PTPRN2: variants seen among roughly 807,000 people sequenced by gnomAD.
The protein encoded by PTPRN2 is receptor-type tyrosine-protein phosphatase N2.
In PTPRN2, 74 loss-of-function variants were observed where a neutral mutation model predicts 118.8. The observed-to-expected ratio is 0.62, with a 90% CI of 0.52 to 0.76. The LOEUF (loss-of-function observed/expected upper bound fraction) is 0.76. Ranked by LOEUF, PTPRN2 falls within the 30% of genes least tolerant of loss-of-function variation. PTPRN2 has a pLI of 0.00. For synonymous variants in PTPRN2, 641 were observed against 608.0 expected, an observed-to-expected ratio of 1.05 and a Z score of -0.80; for missense variants, 1,481 against 1,394.4, an observed-to-expected ratio of 1.06 and a Z score of -0.99.
chr7:157,694,299 G>C (rs1666776666), intron 12 of PTPRN2, among the ~76,000 whole-genome samples: 1 of 152,174 alleles, frequency 6.6e-6, no homozygotes, highest in South Asian at 2.1e-4. Context: ...GGTTCCATGC[G>C]GGTTCACCAG....
At position 157,901,935 on chromosome 7, in the gene PTPRN2, G is replaced by A. The variant is rs191972823; in HGVS notation, c.1724-3198C>T. 9.5e-3 allele frequency among the ~76,000 whole-genome samples: 1,431 copies of A among 150,594 alleles called. 67 individuals carry two copies. In the East Asian group the frequency reaches 0.21, roughly 22 times the overall value. On this transcript the variant is annotated intron_variant, in intron 11 of 22. Coordinates refer to ENST00000389418, the MANE Select transcript of PTPRN2 (RefSeq NM_002847.5). The stretch of plus-strand genomic sequence containing the variant: ...CCTGAGGCGGGGCCTTCCCGTCCGT[G>A]TTTCCTGGGTCCTGAGGCGGGGCCT...
intron 11 of PTPRN2, among the ~76,000 whole-genome samples, chr7:158,011,774 G>A (rs1453160689): frequency 6.6e-6 from 1 of 152,166 alleles, no homozygotes; most frequent in Non-Finnish European, 1.5e-5. Flanking sequence ...CGGACCCACA[G>A]AGAAAGTGAG....
At chr7:157,571,935 C>T (rs1799779614) in intron 19 of PTPRN2, among the ~76,000 whole-genome samples, 1 of 152,184 alleles carries the variant, frequency 6.6e-6, no homozygotes. Flanking sequence ...ACTGTTATTT[C>T]CATACTGTCT....
rs1188872519 is a variant in PTPRN2, at chr7:158,301,800, A to C, written c.277+15019T>G. Among the ~76,000 whole-genome samples, 8 of 152,200 alleles carry C rather than the reference A, an allele frequency of 5.3e-5. No individual in the cohort carries two copies. In the South Asian group the frequency reaches 1.5e-3, roughly 28 times the overall value. On this transcript the variant is annotated intron_variant, in intron 3 of 22. Transcript: ENST00000389418. ...CCCATCTCTGCCAAAAAATACGAAAATTAGCTGGGCATGGTGGTTTGCACC... is the reference window on the plus strand; with the variant it reads ...CCCATCTCTGCCAAAAAATACGAAACTTAGCTGGGCATGGTGGTTTGCACC...
chr7:157,764,404 G>T lies in PTPRN2; in HGVS notation c.1789-81467C>A, dbSNP rs769884698. On this transcript the variant is annotated intron_variant, in intron 12 of 22. Transcript: ENST00000389418. The surrounding 1 kb of genome is among the most constrained non-coding windows in gnomAD (Gnocchi z 4.5). The stretch of plus-strand genomic sequence containing the variant: ...TGGGAATATTACTCAGCACTGAAAA[G>T]GCAGAGATTTTGGATGCAGGCTACA... 6.6e-6 allele frequency among the ~76,000 whole-genome samples: 1 copy of T among 152,240 alleles called. No individual in the cohort carries two copies. Among genetic ancestry groups the T allele is most frequent in the Non-Finnish European group, 1.5e-5 (1 of 68,042 alleles).
rs900624304 is a variant in PTPRN2, at chr7:158,525,354, G to A, written c.113-35569C>T. 1.3e-5 allele frequency among the ~76,000 whole-genome samples: 2 copies of A among 152,238 alleles called. No homozygotes were observed. The highest frequency in any genetic ancestry group is 4.8e-5 in the African/African-American group (2 of 41,480). On this transcript the variant is annotated intron_variant, in intron 1 of 22. Transcript: ENST00000389418. The surrounding 1 kb of genome is among the most constrained non-coding windows in gnomAD (Gnocchi z 4.1). The stretch of plus-strand genomic sequence containing the variant: ...CGAGCAGAAGCTGCAGCAGAAGGTA[G>A]CACGGGCAGGATGCTAGGCCCCAGG...
intron 22 of PTPRN2, 150 bp from the exon 23 acceptor site, chr7:157,540,935 G>A: frequency 1.6e-6 from 1 of 639,522 alleles, no homozygotes; most frequent in Admixed American, 3.0e-5. Flanking sequence ...AAATTGTTTA[G>A]CAAAAAAAAG....
At chr7:158,181,761 CT>C in intron 5 of PTPRN2, among the ~76,000 whole-genome samples, 1 of 152,168 alleles carries the variant, frequency 6.6e-6, no homozygotes, top group East Asian at 1.9e-4. Context: ...CGTGAATAAT[CT>C]TTTGTATTTC....
rs1800496406 is a variant in PTPRN2, at chr7:157,583,429, G to A, written c.2497-5289C>T. On this transcript the variant is annotated intron_variant, in intron 17 of 22. Transcript: ENST00000389418. This position sits in a 1 kb window ranked among gnomAD's most constrained non-coding sequence, Gnocchi z 5.5. The stretch of plus-strand genomic sequence containing the variant: ...TGACTGTAGTTAATAAGAGTGTTGG[G>A]CACAGAGATTTGCCAGGAGAGTAGG... Among the ~76,000 whole-genome samples, 1 of 152,058 alleles carries A rather than the reference G, an allele frequency of 6.6e-6. No homozygotes were observed. The highest frequency in any genetic ancestry group is 1.5e-5 in the Non-Finnish European group (1 of 67,980).
At chr7:158,194,851 C>G (rs188189075) in intron 4 of PTPRN2, among the ~76,000 whole-genome samples, 193 of 152,348 alleles carry the variant, frequency 1.3e-3, no homozygotes, top group Admixed American at 2.7e-3. Context: ...CATCACACCA[C>G]TTAACATATG....
intron 6 of PTPRN2, among the ~76,000 whole-genome samples, chr7:158,158,161 G>A (rs528024562): frequency 6.6e-6 from 1 of 152,210 alleles, no homozygotes; most frequent in South Asian, 2.1e-4. Flanking sequence ...CGAAAAGGCA[G>A]CAGGTGCTTC....
chr7:158,576,619 G>T lies in PTPRN2; in HGVS notation c.112+10939C>A, dbSNP rs144274981. 9.3e-4 allele frequency among the ~76,000 whole-genome samples: 141 copies of T among 152,346 alleles called. No individual in the cohort carries two copies. The East Asian group carries it at 0.024, about 26-fold the overall frequency. On this transcript the variant is annotated intron_variant, in intron 1 of 22. Coordinates refer to ENST00000389418, the MANE Select transcript of PTPRN2 (RefSeq NM_002847.5). ...ACCACAAAGGTCCCACAGAAGCACA[G>T]CATGGGGAGCCATGGCTGACAGCCA... is the stretch of plus-strand genomic sequence containing the variant.
chr7:158,188,211 C>CCCCT (rs1563576445), intron 5 of PTPRN2, among the ~76,000 whole-genome samples: 9 of 78,594 alleles, frequency 1.1e-4, no homozygotes, highest in South Asian at 4.7e-4. Context: ...CCACGCTCGC[C>CCCCT]GCCTGATGGG....
chr7:157,984,489 C>T (rs1331729022), intron 11 of PTPRN2, among the ~76,000 whole-genome samples: 1 of 149,694 alleles, frequency 6.7e-6, no homozygotes, highest in East Asian at 2.0e-4. Context: ...CGCCAGGCTC[C>T]ACCCAAGCCA....
chr7:158,220,168 C>T (rs1167579736), intron 3 of PTPRN2, among the ~76,000 whole-genome samples: 4 of 151,730 alleles, frequency 2.6e-5, no homozygotes, highest in Non-Finnish European at 4.4e-5. Flanking sequence ...AAGGAATATG[C>T]CTCAAAATAA....
At chr7:158,477,267 C>A (rs1376097452) in intron 2 of PTPRN2, among the ~76,000 whole-genome samples, 4 of 152,154 alleles carry the variant, frequency 2.6e-5, no homozygotes, top group Admixed American at 1.3e-4. Flanking sequence ...ATGGTTAGAC[C>A]ATTTCAGGGC....
intron 6 of PTPRN2, among the ~76,000 whole-genome samples, chr7:158,142,407 T>C (rs900914533): frequency 2.0e-5 from 3 of 152,206 alleles, no homozygotes; most frequent in African/African-American, 4.8e-5. Flanking sequence ...ACCCATGGCG[T>C]GGCCTGCCCC....
chr7:157,776,506 C>CCTCCCTCTCCTT (rs1328268606), intron 12 of PTPRN2, among the ~76,000 whole-genome samples: 18 of 143,854 alleles, frequency 1.3e-4, no homozygotes, highest in African/African-American at 4.3e-4. Context: ...TCCCTCTCCT[C>CCTCCCTCTCCTT]CTCCCTCTCC....
At chr7:157,842,981 G>A (rs370260298) in intron 12 of PTPRN2, among the ~76,000 whole-genome samples, 14 of 152,226 alleles carry the variant, frequency 9.2e-5, no homozygotes, top group South Asian at 6.2e-4. Context: ...CATTGGACCC[G>A]GCCTCCTCCC....
Sources: allele counts gnomAD v4.1 joint callset (sites outside exome capture counted in the v4.1 genomes callset), GRCh38; gene constraint gnomAD v4.1.1; non-coding constraint Gnocchi (gnomAD v3.1); transcripts MANE v1.5; gene names NCBI Gene and HGNC (gene_info 2026-07-23, HGNC 2026-07-21).